SUZ12: variants seen among roughly 807,000 people sequenced by gnomAD.
The protein encoded by SUZ12 is polycomb protein SUZ12.
In SUZ12, 17 loss-of-function variants were observed where a neutral mutation model predicts 87.3. That is an observed-to-expected ratio of 0.19 (90% CI 0.13 to 0.29). The LOEUF is 0.29. Among genes scored for constraint, SUZ12 ranks in the 10% least tolerant of loss-of-function variants. SUZ12 has a pLI of 1.00. For missense variants in SUZ12, 526 were observed against 912.2 expected, an observed-to-expected ratio of 0.58 and a Z score of 5.45; for synonymous variants, 253 against 312.4, an observed-to-expected ratio of 0.81 and a Z score of 2.01.
intron 9 of SUZ12, among the ~76,000 whole-genome samples, chr17:31,987,200 A>G (rs1233695722): frequency 1.3e-5 from 2 of 152,238 alleles, no homozygotes; most frequent in East Asian, 3.8e-4. Context: ...TAGTAGAATG[A>G]TAATGACAAG....
chr17:31,940,161 GA>G, intron 1 of SUZ12, 124 bp from the exon 2 acceptor site: 1 of 1,338,628 alleles, frequency 7.5e-7, no homozygotes. Flanking sequence ...TATTTAGTGC[GA>G]TATAAATAGT....
chr17:31,939,039 T>A (rs1280758028), intron 1 of SUZ12, among the ~76,000 whole-genome samples: 1 of 152,220 alleles, frequency 6.6e-6, no homozygotes, highest in Non-Finnish European at 1.5e-5. Flanking sequence ...GATATAATAG[T>A]ATATGTATTT....
At chr17:31,971,244 C>T (rs1005296002) in intron 5 of SUZ12, among the ~76,000 whole-genome samples, 2 of 152,004 alleles carry the variant, frequency 1.3e-5, no homozygotes, top group African/African-American at 4.8e-5. Context: ...ATCCTTTTGG[C>T]CACAAGTCTT....
chr17:31,953,372 A>T (rs184557986), intron 4 of SUZ12, among the ~76,000 whole-genome samples: 1 of 152,070 alleles, frequency 6.6e-6, no homozygotes, highest in Admixed American at 6.5e-5. Flanking sequence ...CGACCTCCCA[A>T]ATTGCTGGGA....
intron 8 of SUZ12, among the ~76,000 whole-genome samples, chr17:31,980,604 A>G (rs1909048499): frequency 6.6e-6 from 1 of 151,618 alleles, no homozygotes; most frequent in Non-Finnish European, 1.5e-5. Flanking sequence ...ATGCGCCACC[A>G]TGCCTGGCTA....
At chr17:31,993,194 C>G in intron 10 of SUZ12, 48 bp from the exon 11 acceptor site, 1 of 1,287,638 alleles carries the variant, frequency 7.8e-7, no homozygotes, top group Non-Finnish European at 1.1e-6. Context: ...TGTTATTTTG[C>G]TTTTCAAAAG....
At chr17:31,988,977 C>T (rs1293304429) in intron 10 of SUZ12, among the ~76,000 whole-genome samples, 1 of 151,696 alleles carries the variant, frequency 6.6e-6, no homozygotes, top group African/African-American at 2.4e-5. Context: ...GAGGCTGAGG[C>T]ATGAGAATGG....
intron 4 of SUZ12, among the ~76,000 whole-genome samples, chr17:31,953,820 TCTC>T (rs1470367705): frequency 4.0e-5 from 6 of 150,652 alleles, no homozygotes; most frequent in African/African-American, 1.5e-4. Context: ...TTCAAGCAGT[TCTC>T]CTGCCTTGGC....
At chr17:31,942,678 A>G (rs1906377942) in intron 3 of SUZ12, among the ~76,000 whole-genome samples, 1 of 152,162 alleles carries the variant, frequency 6.6e-6, no homozygotes, top group African/African-American at 2.4e-5. Context: ...TTTGAAATCA[A>G]TAGGATGAAG....
In SUZ12 at chr17:31,955,930, G is replaced by A. The variant is rs187987602; in HGVS notation, c.455+8245G>A. 2.2e-3 allele frequency among the ~76,000 whole-genome samples: 327 copies of A among 151,596 alleles called. 1 individual carries two copies. The highest frequency in any genetic ancestry group is 7.2e-3 in the African/African-American group (299 of 41,362). On this transcript the variant is annotated intron_variant, in intron 4 of 15. Transcript: ENST00000322652. ...ATTATTATTATTATTTTTTGTTTTT[G>A]AGATGGAGTCTCGCTCTGTCGCCCA...
intron 4 of SUZ12, among the ~76,000 whole-genome samples, chr17:31,956,789 T>C (rs1452947025): frequency 6.6e-6 from 1 of 151,776 alleles, no homozygotes; most frequent in Non-Finnish European, 1.5e-5. Flanking sequence ...TATATATATA[T>C]ATTTTTTGGT....
Position 31,994,809 on chromosome 17 carries a change from C to T in SUZ12, c.1595+88C>T, listed in dbSNP as rs75931574. ...AAGGAGCCAGATGAAGCTACTAGTT[C>T]GTTAGGTGGAAATTATTATTTTTCA... On this transcript the variant is annotated intron_variant, in intron 13 of 15. Transcript: ENST00000322652. 10,648 of 1,402,302 alleles carry T rather than the reference C, an allele frequency of 7.6e-3. 57 individuals carry two copies. The highest frequency in any genetic ancestry group is 9.0e-3 in the Non-Finnish European group (9,366 of 1,035,792). The allele number at this position is 1,402,302 out of a possible 1,614,324, so 86.9% of individuals were successfully genotyped here.
At chr17:31,965,285 G>A (rs1485752961) in intron 4 of SUZ12, among the ~76,000 whole-genome samples, 1 of 152,098 alleles carries the variant, frequency 6.6e-6, no homozygotes, top group Non-Finnish European at 1.5e-5. Flanking sequence ...ATAATCTGGT[G>A]TCTGTACATG....
intron 9 of SUZ12, among the ~76,000 whole-genome samples, chr17:31,984,188 G>A (rs1224560452): frequency 6.6e-6 from 1 of 152,116 alleles, no homozygotes; most frequent in Non-Finnish European, 1.5e-5. Flanking sequence ...TATAAGCATA[G>A]GAATAGACAA....
intron 4 of SUZ12, among the ~76,000 whole-genome samples, chr17:31,954,790 G>A (rs1907207787): frequency 6.6e-6 from 1 of 152,138 alleles, no homozygotes; most frequent in Admixed American, 6.6e-5. Flanking sequence ...GTGGGAGGAT[G>A]AACAAATAGG....
At chr17:31,960,210 G>A (rs1907614565) in intron 4 of SUZ12, among the ~76,000 whole-genome samples, 1 of 151,928 alleles carries the variant, frequency 6.6e-6, no homozygotes, top group Non-Finnish European at 1.5e-5. Context: ...ACATATCAGA[G>A]TGTTTACTTT....
chr17:31,960,665 C>T (rs1907651912), intron 4 of SUZ12, among the ~76,000 whole-genome samples: 1 of 152,128 alleles, frequency 6.6e-6, no homozygotes, highest in Non-Finnish European at 1.5e-5. Context: ...GCAACGTCCG[C>T]CTCCCAGGTT....
chr17:31,994,684 G>T lies in SUZ12; in HGVS notation c.1558G>T (p.Val520Phe). 1 of 1,614,052 alleles carries T rather than the reference G, an allele frequency of 6.2e-7. No homozygotes were observed. Among genetic ancestry groups the T allele is most frequent in the Non-Finnish European group, 8.5e-7 (1 of 1,179,996 alleles). Reference sequence around the variant, plus strand: ...ATTTGCTTTTAGTCGCAACGGACCAGTTAAGAGAACACCTATCACACATAT... The same window carrying T: ...ATTTGCTTTTAGTCGCAACGGACCATTTAAGAGAACACCTATCACACATAT... ...PGFAFSRNGP[V>F]KRTPITHILV... Residue 520 changes from valine (V) to phenylalanine (F), a missense_variant, in exon 13 of 16, where the codon GTT (valine) becomes TTT (phenylalanine). By Grantham distance (50) the Val-to-Phe change is conservative (BLOSUM62 -1). Coordinates refer to ENST00000322652, the MANE Select transcript of SUZ12 (RefSeq NM_015355.4).
At chr17:31,950,821 C>T (rs905286222) in intron 4 of SUZ12, among the ~76,000 whole-genome samples, 19 of 151,936 alleles carry the variant, frequency 1.3e-4, no homozygotes, top group South Asian at 2.1e-4. Context: ...GCTCTGTCAC[C>T]GAGGCTGGAG....
Sources: gnomAD v4.1 joint callset for allele counts (sites outside exome capture counted in the v4.1 genomes callset) on GRCh38, gnomAD v4.1.1 for gene constraint, MANE v1.5 for transcripts, NCBI Gene and HGNC (gene_info 2026-07-23, HGNC 2026-07-21) for gene names.